KAZN: variants seen among roughly 807,000 people sequenced by gnomAD.
KAZN encodes kazrin.
KAZN carries 40 observed loss-of-function variants against 87.4 expected under a neutral mutation model. The ratio of observed to expected loss-of-function variants is 0.46; its 90% confidence interval spans 0.36 to 0.60. The LOEUF is 0.60. Among genes scored for constraint, KAZN ranks in the 20% least tolerant of loss-of-function variants. The probability of loss-of-function intolerance (pLI) is 0.00; values close to 1 mark genes in which losing one functional copy is unlikely to be tolerated. For missense variants in KAZN, 898 were observed against 1,073.9 expected (o/e 0.84, Z 2.29); for synonymous variants, 466 against 458.3 (o/e 1.02, Z -0.22).
chr1:14,479,468 T>C (rs1256952154), intron 2 of KAZN, among the ~76,000 whole-genome samples: 1 of 152,206 alleles, frequency 6.6e-6, no homozygotes, highest in Non-Finnish European at 1.5e-5. Flanking sequence ...GCAACCTCAC[T>C]TGTGGCCGCT....
intron 1 of KAZN, among the ~76,000 whole-genome samples, chr1:14,814,888 G>A (rs530610608): frequency 2.6e-5 from 4 of 152,314 alleles, no homozygotes; most frequent in South Asian, 2.1e-4. Flanking sequence ...GCATGGATAC[G>A]TGGAATGCTG....
chr1:14,554,237 C>T (rs932300570), intron 2 of KAZN, among the ~76,000 whole-genome samples: 2 of 151,624 alleles, frequency 1.3e-5, no homozygotes, highest in African/African-American at 4.9e-5. Flanking sequence ...CAATAAAAGT[C>T]GGTCTTCAGC....
At chr1:14,530,144 A>G (rs1672129479) in intron 2 of KAZN, among the ~76,000 whole-genome samples, 1 of 152,202 alleles carries the variant, frequency 6.6e-6, no homozygotes, top group East Asian at 1.9e-4. Flanking sequence ...AGAGGACAGT[A>G]GAGAGACCAC....
At chr1:14,335,055 G>A (rs988937370) in intron 2 of KAZN, among the ~76,000 whole-genome samples, 2 of 151,908 alleles carry the variant, frequency 1.3e-5, no homozygotes, top group Non-Finnish European at 2.9e-5. Context: ...TGGAGGTGGG[G>A]CCTAAGAAGT....
At chr1:13,950,191 C>T (rs1367879465) in intron 1 of KAZN, among the ~76,000 whole-genome samples, 2 of 151,282 alleles carry the variant, frequency 1.3e-5, no homozygotes, top group South Asian at 2.1e-4. Flanking sequence ...TCATTGGGTG[C>T]CCAGGTTTTT....
At chr1:14,025,218 C>T (rs572910698) in intron 1 of KAZN, among the ~76,000 whole-genome samples, 12 of 152,270 alleles carry the variant, frequency 7.9e-5, no homozygotes, top group South Asian at 2.1e-4. Context: ...CAACAGTCAC[C>T]GCTAGAGTCT....
intron 1 of KAZN, chr1:13,893,870 CTT>C: frequency 8.0e-7 from 1 of 1,245,864 alleles, no homozygotes; most frequent in Non-Finnish European, 1.1e-6. Context: ...TACCTCATCT[CTT>C]TCTTGATATA....
intron 1 of KAZN, among the ~76,000 whole-genome samples, chr1:14,126,697 A>G (rs1193231043): frequency 1.3e-5 from 2 of 152,146 alleles, no homozygotes; most frequent in Non-Finnish European, 2.9e-5. Context: ...ACAGCTTTGA[A>G]GGGGTGGGGT....
rs1448242784 is a variant in KAZN at position 15,116,167 on chromosome 1, CTTG to C, written c.*1536_*1538del. 1 of 152,208 alleles carries C rather than the reference CTTG, an allele frequency of 6.6e-6. No individual in the cohort carries two copies. The highest frequency in any genetic ancestry group is 1.5e-5 in the Non-Finnish European group (1 of 68,044). 9.4% of individuals were successfully genotyped at this position (152,208 alleles called of 1,614,324 possible). A position where few individuals can be genotyped will look rare whatever the true frequency, so the allele number is the denominator to read the frequency against. Reference sequence around the variant, plus strand: ...CACATCGGGTTATCAAAGCGAGTCACTTGTTGGAACCATGATGCTCGACCTCCT... The same window carrying C: ...CACATCGGGTTATCAAAGCGAGTCACTTGGAACCATGATGCTCGACCTCCT... On this transcript the variant is annotated 3_prime_UTR_variant, in exon 15 of 15. Transcript: ENST00000376030.
intron 2 of KAZN, among the ~76,000 whole-genome samples, chr1:14,340,328 A>G (rs1448332420): frequency 6.6e-6 from 1 of 152,236 alleles, no homozygotes; most frequent in Non-Finnish European, 1.5e-5. Context: ...ATCACTTTAT[A>G]TAACCAAGTT....
intron 1 of KAZN, among the ~76,000 whole-genome samples, chr1:14,062,683 G>C (rs567431675): frequency 6.6e-6 from 1 of 152,084 alleles, no homozygotes; most frequent in Non-Finnish European, 1.5e-5. Flanking sequence ...AGGAAGCTTC[G>C]AGTCTAGTGT....
intron 2 of KAZN, among the ~76,000 whole-genome samples, chr1:15,001,526 CTTA>C (rs1668472618): frequency 1.3e-5 from 2 of 152,134 alleles, no homozygotes; most frequent in Admixed American, 6.5e-5. Context: ...TTTCCTCATC[CTTA>C]AAAGGGAAGA....
chr1:14,243,984 A>T lies in KAZN; in HGVS notation c.249+63392A>T, dbSNP rs562277461. Among the ~76,000 whole-genome samples the T allele has an allele frequency of 3.9e-5, 6 of 152,360 alleles. No individual in the cohort carries two copies. The East Asian group carries it at 1.2e-3, about 29-fold the overall frequency. On this transcript the variant is annotated intron_variant, in intron 2 of 16. Coordinates refer to the KAZN transcript ENST00000636203. ...TTTCTGACCCTGGACTCAGTCCAAG[A>T]GAGACATGCAGAGTTGAGCGTCCCA...
intron 2 of KAZN, among the ~76,000 whole-genome samples, chr1:14,210,862 C>G (rs2100450790): frequency 6.6e-6 from 1 of 152,252 alleles, no homozygotes; most frequent in Admixed American, 6.5e-5. Context: ...CACGTAGAAT[C>G]TTAAATCTGC....
At chr1:14,249,229 A>G (rs1427109211) in intron 2 of KAZN, among the ~76,000 whole-genome samples, 1 of 152,204 alleles carries the variant, frequency 6.6e-6, no homozygotes, top group African/African-American at 2.4e-5. Flanking sequence ...CTACACAGCA[A>G]TGAAGGATGG....
rs116244483 is a variant in KAZN, at chr1:14,050,602, C to T, written c.92-129833C>T. On this transcript the variant is annotated intron_variant, in intron 1 of 16. Coordinates refer to the KAZN transcript ENST00000636203. ...CGTGAGAACAGCATGGAGGAAACTG[C>T]CCACATCATCCAATCACTTCCCTCC... Among the ~76,000 whole-genome samples the T allele has an allele frequency of 6.4e-3, 969 of 152,272 alleles. 5 individuals carry two copies. The highest frequency in any genetic ancestry group is 0.022 in the African/African-American group (927 of 41,548).
chr1:14,421,301 G>A (rs1254432764), intron 2 of KAZN, among the ~76,000 whole-genome samples: 1 of 152,158 alleles, frequency 6.6e-6, no homozygotes, highest in Non-Finnish European at 1.5e-5. Flanking sequence ...ACCCCATTCA[G>A]AATTTGGTTA....
chr1:14,990,860 G>A (rs908608673), intron 2 of KAZN, among the ~76,000 whole-genome samples: 2 of 150,768 alleles, frequency 1.3e-5, no homozygotes, highest in African/African-American at 2.4e-5. Context: ...AGATGAAGTC[G>A]TACTGGAATA....
chr1:14,304,945 T>G (rs1050437698), intron 2 of KAZN, among the ~76,000 whole-genome samples: 5 of 141,912 alleles, frequency 3.5e-5, no homozygotes, highest in Admixed American at 6.7e-5. Flanking sequence ...AAAGCTAGTT[T>G]TTTTTTTTTT....
Sources: allele counts gnomAD v4.1 joint callset (sites outside exome capture counted in the v4.1 genomes callset), GRCh38; gene constraint gnomAD v4.1.1; transcripts MANE v1.5; gene names NCBI Gene and HGNC (gene_info 2026-07-23, HGNC 2026-07-21).